PTPRM: variants seen among roughly 807,000 people sequenced by gnomAD.
PTPRM encodes receptor-type tyrosine-protein phosphatase mu.
PTPRM carries 47 observed loss-of-function variants against 186.7 expected under a neutral mutation model. That is an observed-to-expected ratio of 0.25 (90% CI 0.20 to 0.32). PTPRM has a LOEUF of 0.32. PTPRM is among the 10% of genes least tolerant of loss of function. The pLI is 1.00. For synonymous variants in PTPRM, 668 were observed against 674.9 expected (o/e 0.99, Z 0.16); for missense variants, 1,494 against 1,865.0 (o/e 0.80, Z 3.66).
intron 11 of PTPRM, among the ~76,000 whole-genome samples, chr18:8,104,694 C>T (rs2091442305): frequency 6.6e-6 from 1 of 152,156 alleles, no homozygotes; most frequent in African/African-American, 2.4e-5. Flanking sequence ...GCAGTCCTCC[C>T]ACCTTGGCTT....
intron 13 of PTPRM, among the ~76,000 whole-genome samples, chr18:8,119,008 A>G (rs1471189954): frequency 2.0e-5 from 3 of 151,874 alleles, no homozygotes; most frequent in Non-Finnish European, 2.9e-5. Context: ...ATGCTGAATT[A>G]TTTTCCAAAA....
At chr18:8,126,027 A>ATATATATATTTTTTTT (rs57751538) in intron 13 of PTPRM, among the ~76,000 whole-genome samples, 2 of 69,542 alleles carry the variant, frequency 2.9e-5, no homozygotes, top group Non-Finnish European at 5.7e-5. Context: ...ATATATATAT[A>ATATATATATTTTTTTT]TTTTAAATCA....
At chr18:7,711,023 G>T (rs930345384) in intron 1 of PTPRM, among the ~76,000 whole-genome samples, 1 of 152,096 alleles carries the variant, frequency 6.6e-6, no homozygotes, top group Admixed American at 6.5e-5. Context: ...ACTGATGTGG[G>T]TTGGGGGGGA....
intron 1 of PTPRM, among the ~76,000 whole-genome samples, chr18:7,624,623 G>A (rs75315364): frequency 0.017 from 2,631 of 152,032 alleles, 82 homozygotes; most frequent in African/African-American, 0.06. Context: ...CTGTAGGTGC[G>A]TGCTGCCACA....
chr18:8,210,045 CTCA>C (rs1187817225), intron 14 of PTPRM, among the ~76,000 whole-genome samples: 1 of 79,850 alleles, frequency 1.3e-5, no homozygotes, highest in African/African-American at 4.1e-5. Flanking sequence ...TGGCTCATGC[CTCA>C]TGCCTATAAT....
At chr18:8,363,282 G>A (rs919736556) in intron 23 of PTPRM, among the ~76,000 whole-genome samples, 9 of 152,288 alleles carry the variant, frequency 5.9e-5, no homozygotes, top group African/African-American at 1.2e-4. Flanking sequence ...ATCAGATAGC[G>A]TTAGGAGTTG....
intron 1 of PTPRM, among the ~76,000 whole-genome samples, chr18:7,726,880 G>A (rs659335): frequency 0.64 from 97,243 of 152,020 alleles, 33,051 homozygotes; most frequent in East Asian, 0.99. Flanking sequence ...GTTATATTCC[G>A]TGGAATAATA....
Position 8,248,149 on chromosome 18 carries a change from G to C in PTPRM, c.2528-1G>C. The stretch of plus-strand genomic sequence containing the variant: ...ATTGACCTGCTTACGGTGTATGACA[G>C]ACCCATTTGTGCCAACTGCAATTTT... On this transcript the variant is annotated splice_acceptor_variant, in intron 16 of 32. Coordinates refer to ENST00000580170, the MANE Select transcript of PTPRM (RefSeq NM_001105244.2). LOFTEE classifies it high-confidence loss of function. 1 of 1,531,772 alleles carries C rather than the reference G, an allele frequency of 6.5e-7. No homozygotes were observed. Among genetic ancestry groups the C allele is most frequent in the South Asian group, 1.1e-5 (1 of 89,356 alleles). The allele number at this position is 1,531,772 out of a possible 1,614,324, so 94.9% of individuals were successfully genotyped here.
chr18:7,633,955 A>G (rs1311521088), intron 1 of PTPRM, among the ~76,000 whole-genome samples: 1 of 152,058 alleles, frequency 6.6e-6, no homozygotes, highest in African/African-American at 2.4e-5. Context: ...CCATTCCAAA[A>G]TATGAATCTG....
chr18:8,095,899 T>C (rs1028511749), intron 11 of PTPRM, among the ~76,000 whole-genome samples: 9 of 152,188 alleles, frequency 5.9e-5, no homozygotes, highest in African/African-American at 2.2e-4. Context: ...CAATAATTCA[T>C]TGGAAATCAC....
At chr18:7,738,248 C>T (rs1341983762) in intron 1 of PTPRM, among the ~76,000 whole-genome samples, 1 of 152,132 alleles carries the variant, frequency 6.6e-6, no homozygotes, top group African/African-American at 2.4e-5. Flanking sequence ...TTTGTTTATT[C>T]CTGTAGCATA....
At chr18:7,832,600 G>A (rs1214393600) in intron 2 of PTPRM, among the ~76,000 whole-genome samples, 1 of 152,072 alleles carries the variant, frequency 6.6e-6, no homozygotes, top group Non-Finnish European at 1.5e-5. Context: ...TTCCTTTGCT[G>A]TGCAGAAGCT....
At chr18:8,217,219 A>T (rs773276190) in intron 14 of PTPRM, among the ~76,000 whole-genome samples, 11 of 152,146 alleles carry the variant, frequency 7.2e-5, no homozygotes, top group Non-Finnish European at 1.2e-4. Context: ...TCCTCCTGGG[A>T]TCTGAATGTA....
At position 7,574,030 on chromosome 18, in the gene PTPRM, C is replaced by G. The variant is rs144287655; in HGVS notation, c.73+6139C>G. Among the ~76,000 whole-genome samples, 812 of 152,308 alleles carry G rather than the reference C, an allele frequency of 5.3e-3. 6 individuals carry two copies. The highest frequency in any genetic ancestry group is 0.017 in the Middle Eastern group (5 of 294). On this transcript the variant is annotated intron_variant, in intron 1 of 32. Coordinates refer to ENST00000580170, the MANE Select transcript of PTPRM (RefSeq NM_001105244.2). ...CGGCAATCTGTGTTAGAACAAGCCC[C>G]CCATGGGATTCTGATGTGACCTGAG...
At chr18:7,941,318 A>G (rs1471999921) in intron 5 of PTPRM, among the ~76,000 whole-genome samples, 1 of 152,236 alleles carries the variant, frequency 6.6e-6, no homozygotes, top group Non-Finnish European at 1.5e-5. Context: ...CAGGGACAAG[A>G]GGGACCATCT....
At chr18:8,132,965 T>C (rs866134788) in intron 13 of PTPRM, among the ~76,000 whole-genome samples, 1 of 152,154 alleles carries the variant, frequency 6.6e-6, no homozygotes, top group Non-Finnish European at 1.5e-5. Flanking sequence ...TTATAAACAA[T>C]AAAAATTTAT....
intron 3 of PTPRM, among the ~76,000 whole-genome samples, chr18:7,900,134 A>G (rs1298962767): frequency 6.6e-6 from 1 of 152,216 alleles, no homozygotes; most frequent in African/African-American, 2.4e-5. Flanking sequence ...AGGAGGCTAG[A>G]TAGTAAATAT....
At chr18:8,145,546 C>G (rs1207178888) in intron 14 of PTPRM, among the ~76,000 whole-genome samples, 2 of 152,160 alleles carry the variant, frequency 1.3e-5, no homozygotes, top group Non-Finnish European at 2.9e-5. Context: ...TTGTTCAACT[C>G]CCACATATGA....
At chr18:8,281,020 A>G (rs2147740043) in intron 19 of PTPRM, among the ~76,000 whole-genome samples, 1 of 152,376 alleles carries the variant, frequency 6.6e-6, no homozygotes, top group African/African-American at 2.4e-5. Flanking sequence ...AATCAAAACT[A>G]AAGTAGAAAA....
Sources: gnomAD v4.1 joint callset for allele counts (sites outside exome capture counted in the v4.1 genomes callset) on GRCh38, gnomAD v4.1.1 for gene constraint, MANE v1.5 for transcripts, NCBI Gene and HGNC (gene_info 2026-07-23, HGNC 2026-07-21) for gene names.